Variants in SUPT3H observed in about 807,000 individuals in gnomAD.
The protein encoded by SUPT3H is transcription initiation protein SPT3 homolog.
SUPT3H carries 44 observed loss-of-function variants against 44.3 expected under a neutral mutation model. The observed-to-expected ratio is 0.99, with a 90% CI of 0.78 to 1.28. The LOEUF (loss-of-function observed/expected upper bound fraction) is 1.28, where lower values mean the gene tolerates loss of function less well. Ranked by LOEUF, SUPT3H falls within the 50% of genes most tolerant of loss-of-function variation. The pLI is 0.00. For missense variants in SUPT3H, 380 were observed against 387.1 expected (o/e 0.98, Z 0.15); for synonymous variants, 124 against 125.6 (o/e 0.99, Z 0.09).
At chr6:45,202,525 C>T (rs927557273) in intron 2 of SUPT3H, among the ~76,000 whole-genome samples, 1 of 152,058 alleles carries the variant, frequency 6.6e-6, no homozygotes, top group Admixed American at 6.6e-5. Context: ...AATCAGATTG[C>T]TTTTACCCAA....
At chr6:45,255,219 C>T (rs778567917) in intron 2 of SUPT3H, among the ~76,000 whole-genome samples, 8 of 152,164 alleles carry the variant, frequency 5.3e-5, no homozygotes, top group Middle Eastern at 3.4e-3. Flanking sequence ...AGATTTCAGG[C>T]ATGCACTAAG....
At chr6:45,102,214 A>G (rs897420162) in intron 3 of SUPT3H, among the ~76,000 whole-genome samples, 4 of 152,196 alleles carry the variant, frequency 2.6e-5, no homozygotes, top group Non-Finnish European at 4.4e-5. Flanking sequence ...CAGTAAGGGA[A>G]TATTAACACT....
intron 3 of SUPT3H, among the ~76,000 whole-genome samples, chr6:45,041,025 T>C (rs1308222622): frequency 6.6e-6 from 1 of 152,140 alleles, no homozygotes. Flanking sequence ...TGAGCTTTAG[T>C]TTTCAATTCG....
chr6:44,852,157 GA>G (rs1773005427), intron 10 of SUPT3H, among the ~76,000 whole-genome samples: 2 of 152,174 alleles, frequency 1.3e-5, no homozygotes, highest in African/African-American at 4.8e-5. Flanking sequence ...GGAAGAGGCT[GA>G]GAATCAATTA....
chr6:44,864,483 C>T (rs1026974628), intron 10 of SUPT3H, among the ~76,000 whole-genome samples: 1 of 152,208 alleles, frequency 6.6e-6, no homozygotes, highest in African/African-American at 2.4e-5. Flanking sequence ...AGAGCCCCAC[C>T]CCTGCAGCAA....
intron 10 of SUPT3H, among the ~76,000 whole-genome samples, chr6:44,915,303 C>A (rs763501777): frequency 6.6e-6 from 1 of 152,120 alleles, no homozygotes; most frequent in Non-Finnish European, 1.5e-5. Flanking sequence ...GATAACCTGG[C>A]GACCAAGATT....
chr6:45,126,041 C>T (rs985201351), intron 2 of SUPT3H, among the ~76,000 whole-genome samples: 1 of 152,108 alleles, frequency 6.6e-6, no homozygotes, highest in Non-Finnish European at 1.5e-5. Context: ...CAAGCTTCTG[C>T]ATGTCTCTGA....
intron 2 of SUPT3H, among the ~76,000 whole-genome samples, chr6:45,298,609 T>G (rs2149908831): frequency 6.6e-6 from 1 of 152,150 alleles, no homozygotes; most frequent in South Asian, 2.1e-4. Flanking sequence ...ATGTTATCTC[T>G]TAATGACCAA....
At chr6:45,296,804 T>C (rs138331848) in intron 2 of SUPT3H, among the ~76,000 whole-genome samples, 1,777 of 136,008 alleles carry the variant, frequency 0.013, 38 homozygotes, top group South Asian at 0.065. Flanking sequence ...AGGTGATGGG[T>C]GCACCAAAAT....
At chr6:45,177,525 T>A (rs1218683739) in intron 2 of SUPT3H, among the ~76,000 whole-genome samples, 1 of 152,030 alleles carries the variant, frequency 6.6e-6, no homozygotes, top group Admixed American at 6.6e-5. Context: ...ACTTCCCCAA[T>A]CTAGCAAGGC....
chr6:44,930,909 G>A (rs934573974), intron 10 of SUPT3H, among the ~76,000 whole-genome samples: 3 of 152,118 alleles, frequency 2.0e-5, no homozygotes, highest in Non-Finnish European at 4.4e-5. Context: ...AGCTTAAAGT[G>A]CATTTTTATC....
In SUPT3H at chr6:44,906,971, T is replaced by C. The variant is rs545142223; in HGVS notation, c.912+25682A>G. ...AGGGTGTCTGATTAGATGTGGAATG[T>C]AGACGGACACAACCTTCAAGTGATT... On this transcript the variant is annotated intron_variant, in intron 10 of 10. Transcript: ENST00000371459. 4.6e-5 allele frequency among the ~76,000 whole-genome samples: 7 copies of C among 152,366 alleles called. No individual in the cohort carries two copies. The East Asian group carries it at 1.2e-3, about 25-fold the overall frequency.
At chr6:44,987,866 A>G (rs1780035549) in intron 6 of SUPT3H, among the ~76,000 whole-genome samples, 1 of 152,126 alleles carries the variant, frequency 6.6e-6, no homozygotes, top group African/African-American at 2.4e-5. Context: ...GAAGCTGGAA[A>G]AGGGAAGAAG....
At chr6:45,120,434 A>AAC (rs1562497490) in intron 2 of SUPT3H, among the ~76,000 whole-genome samples, 1 of 148,604 alleles carries the variant, frequency 6.7e-6, no homozygotes, top group African/African-American at 2.5e-5. Flanking sequence ...AAAAAAAAAA[A>AAC]AAAAAAAGAC....
At chr6:45,210,095 G>T (rs957899955) in intron 2 of SUPT3H, among the ~76,000 whole-genome samples, 11 of 152,066 alleles carry the variant, frequency 7.2e-5, no homozygotes, top group African/African-American at 2.4e-4. Context: ...TATGTATACT[G>T]CTTTTTTTTA....
chr6:45,236,000 T>G (rs748042431), intron 2 of SUPT3H, among the ~76,000 whole-genome samples: 3 of 152,174 alleles, frequency 2.0e-5, no homozygotes, highest in Non-Finnish European at 4.4e-5. Flanking sequence ...TCCCTTTGTT[T>G]TGGCCCATCC....
At chr6:44,879,359 C>A (rs1216933651) in intron 10 of SUPT3H, among the ~76,000 whole-genome samples, 1 of 152,172 alleles carries the variant, frequency 6.6e-6, no homozygotes, top group Non-Finnish European at 1.5e-5. Context: ...GCTGCTGTGG[C>A]CAGTCTGCCT....
At chr6:45,227,437 T>C (rs949097923) in intron 2 of SUPT3H, among the ~76,000 whole-genome samples, 3 of 152,190 alleles carry the variant, frequency 2.0e-5, no homozygotes, top group Non-Finnish European at 2.9e-5. Context: ...AGATTTCAGC[T>C]TTAAAAATAA....
chr6:45,123,388 T>TC (rs1273965237), intron 2 of SUPT3H, among the ~76,000 whole-genome samples: 3 of 151,082 alleles, frequency 2.0e-5, no homozygotes, highest in South Asian at 2.1e-4. Flanking sequence ...TTTTTTTTTT[T>TC]CCCCAGATAG....
Sources: allele counts gnomAD v4.1 joint callset (sites outside exome capture counted in the v4.1 genomes callset), GRCh38; gene constraint gnomAD v4.1.1; transcripts MANE v1.5; gene names NCBI Gene and HGNC (gene_info 2026-07-23, HGNC 2026-07-21).